The following HDAC9 variants were observed in gnomAD, a reference collection of about 807,000 sequenced individuals.
HDAC9 encodes histone deacetylase 9, also known as MEF-2 interacting transcription repressor (MITR) protein.
A neutral mutation model predicts 139.4 loss-of-function variants in HDAC9; 41 were observed. The ratio of observed to expected loss-of-function variants is 0.29; its 90% CI spans 0.23 to 0.38. The LOEUF (loss-of-function observed/expected upper bound fraction) is 0.38. HDAC9 is among the 10% of genes least tolerant of loss of function. HDAC9 has a pLI of 1.00. For synonymous variants in HDAC9, 517 were observed against 476.2 expected (o/e 1.09, Z -1.12); for missense variants, 1,147 against 1,297.0 (o/e 0.88, Z 1.78).
rs1269634735 is a variant in HDAC9 at position 18,998,594 on chromosome 7, C to T, written c.*2532C>T. 1.3e-5 allele frequency: 2 copies of T among 152,138 alleles called. No homozygotes were observed. Among genetic ancestry groups the T allele is most frequent in the African/African-American group, 4.8e-5 (2 of 41,442 alleles). 9.4% of individuals were successfully genotyped at this position (152,138 alleles called of 1,614,324 possible). On this transcript the variant is annotated 3_prime_UTR_variant, in exon 26 of 26. Transcript: ENST00000686413. ...CCTGAGGGACAGAATGGAGGCTTTC[C>T]GAAAATATCAACACTTCTTTTGAAA...
chr7:18,194,904 T>C (rs1790618906), intron 2 of HDAC9, among the ~76,000 whole-genome samples: 1 of 152,008 alleles, frequency 6.6e-6, no homozygotes, highest in Non-Finnish European at 1.5e-5. Flanking sequence ...TCTATTAAGG[T>C]TATAGGAGGC....
At chr7:18,119,437 T>C (rs1784224452) in intron 1 of HDAC9, among the ~76,000 whole-genome samples, 1 of 152,184 alleles carries the variant, frequency 6.6e-6, no homozygotes, top group Non-Finnish European at 1.5e-5. Context: ...AAAATGTTTG[T>C]TATGGCACAG....
At chr7:18,772,751 T>C (rs970424320) in intron 16 of HDAC9, among the ~76,000 whole-genome samples, 1 of 152,066 alleles carries the variant, frequency 6.6e-6, no homozygotes, top group Non-Finnish European at 1.5e-5. Context: ...GAACACCCCA[T>C]GGCACCTGGC....
At chr7:18,594,723 T>A (rs1175765274) in intron 6 of HDAC9, among the ~76,000 whole-genome samples, 1 of 152,102 alleles carries the variant, frequency 6.6e-6, no homozygotes, top group East Asian at 1.9e-4. Context: ...TCTTATATGC[T>A]TTTACTGCTA....
At chr7:18,138,563 T>C (rs913721971) in intron 1 of HDAC9, among the ~76,000 whole-genome samples, 10 of 143,520 alleles carry the variant, frequency 7.0e-5, no homozygotes, top group African/African-American at 1.2e-4. Flanking sequence ...TGTGTGTGTG[T>C]GCACATGCTC....
chr7:18,650,731 A>G (rs1222413428), intron 11 of HDAC9, among the ~76,000 whole-genome samples: 1 of 152,130 alleles, frequency 6.6e-6, no homozygotes, highest in Non-Finnish European at 1.5e-5. Flanking sequence ...ACAAACCTAT[A>G]CTTTTAGGTA....
At chr7:18,668,994 A>G (rs781087856) in intron 12 of HDAC9, among the ~76,000 whole-genome samples, 1 of 151,298 alleles carries the variant, frequency 6.6e-6, no homozygotes, top group Non-Finnish European at 1.5e-5. Flanking sequence ...TAATACCATT[A>G]AAAACAATAA....
chr7:18,286,505 A>T (rs1425042901), upstream of HDAC9, among the ~76,000 whole-genome samples: 2 of 151,048 alleles, frequency 1.3e-5, no homozygotes, highest in Non-Finnish European at 3.0e-5. Context: ...ATTTTTCAGG[A>T]TATTGTGTTT....
At chr7:18,703,378 A>T (rs1453882288) in intron 12 of HDAC9, among the ~76,000 whole-genome samples, 1 of 152,148 alleles carries the variant, frequency 6.6e-6, no homozygotes, top group Non-Finnish European at 1.5e-5. Context: ...TTCCCCAAAT[A>T]ATTAATTTTT....
At chr7:18,360,075 T>A (rs1213340588) in intron 1 of HDAC9, among the ~76,000 whole-genome samples, 2 of 152,236 alleles carry the variant, frequency 1.3e-5, no homozygotes, top group African/African-American at 4.8e-5. Context: ...CCCTCACTTC[T>A]TGCTCTTCTG....
chr7:18,479,361 T>C (rs1296282651), intron 1 of HDAC9, among the ~76,000 whole-genome samples: 1 of 152,174 alleles, frequency 6.6e-6, no homozygotes, highest in African/African-American at 2.4e-5. Context: ...AGCAATTATC[T>C]TAGCACCAGT....
chr7:18,494,801 A>G (rs1378555975), upstream of HDAC9, among the ~76,000 whole-genome samples: 1 of 146,728 alleles, frequency 6.8e-6, no homozygotes, highest in Non-Finnish European at 1.5e-5. Flanking sequence ...CTAACCATAT[A>G]TATGATTTAT....
chr7:18,761,981 C>A (rs1434761377), intron 14 of HDAC9, among the ~76,000 whole-genome samples, 176 bp from the exon 15 acceptor site: 3 of 152,138 alleles, frequency 2.0e-5, no homozygotes, highest in African/African-American at 7.2e-5. Flanking sequence ...TGGATCTGAA[C>A]CTTCCATACA....
At chr7:18,675,124 C>T (rs1264305318) in intron 12 of HDAC9, among the ~76,000 whole-genome samples, 1 of 151,942 alleles carries the variant, frequency 6.6e-6, no homozygotes, top group Non-Finnish European at 1.5e-5. Context: ...GAGAGTGAAT[C>T]AGCCTCCTCC....
intron 2 of HDAC9, among the ~76,000 whole-genome samples, chr7:18,181,863 G>T (rs1351340699): frequency 6.6e-6 from 1 of 152,076 alleles, no homozygotes; most frequent in East Asian, 1.9e-4. Context: ...TGATACAAAT[G>T]CAAGTCAAAA....
intron 1 of HDAC9, among the ~76,000 whole-genome samples, chr7:18,362,249 C>A (rs568328279): frequency 4.6e-5 from 7 of 152,292 alleles, no homozygotes; most frequent in Non-Finnish European, 1.0e-4. Flanking sequence ...TTGCAGAGAT[C>A]GTAGGATTCT....
At chr7:18,414,052 A>G (rs373911424) in intron 1 of HDAC9, among the ~76,000 whole-genome samples, 8 of 152,306 alleles carry the variant, frequency 5.3e-5, no homozygotes, top group East Asian at 3.9e-4. Flanking sequence ...AAGAAATTAT[A>G]AGTAAATGAA....
At chr7:18,904,658 C>T (rs1802044605) in intron 22 of HDAC9, among the ~76,000 whole-genome samples, 1 of 148,128 alleles carries the variant, frequency 6.8e-6, no homozygotes. Context: ...TCACTGCAAG[C>T]TCCGCCTCCC....
At chr7:18,731,837 G>T (rs1015048764) in intron 13 of HDAC9, among the ~76,000 whole-genome samples, 36 of 152,172 alleles carry the variant, frequency 2.4e-4, no homozygotes, top group African/African-American at 8.7e-4. Flanking sequence ...TGTTGGTCAG[G>T]CTGGTCTTGA....
Sources: gnomAD v4.1 joint callset for allele counts (sites outside exome capture counted in the v4.1 genomes callset) on GRCh38, gnomAD v4.1.1 for gene constraint, MANE v1.5 for transcripts, NCBI Gene and HGNC (gene_info 2026-07-23, HGNC 2026-07-21) for gene names.